The following SPTBN4 variants were observed in gnomAD, a reference collection of about 807,000 sequenced individuals.
The protein encoded by SPTBN4 is spectrin beta chain, non-erythrocytic 4.
A neutral mutation model predicts 277.8 loss-of-function variants in SPTBN4; 96 were observed. The observed-to-expected ratio is 0.35, with a 90% CI of 0.29 to 0.41. SPTBN4 has a LOEUF of 0.41. SPTBN4 is among the 10% of genes least tolerant of loss of function. The pLI, the probability that SPTBN4 is intolerant of heterozygous loss-of-function variation, is 1.00. For missense variants in SPTBN4, 3,006 were observed against 3,595.7 expected (o/e 0.84, Z 4.19); for synonymous variants, 1,481 against 1,580.3 (o/e 0.94, Z 1.49).
intron 2 of SPTBN4, among the ~76,000 whole-genome samples, chr19:40,477,107 A>G (rs928332147): frequency 2.0e-5 from 3 of 151,394 alleles, no homozygotes; most frequent in East Asian, 1.9e-4. Flanking sequence ...GATAAAAATC[A>G]TAGCTCACTA....
In SPTBN4 at chr19:40,521,498, G is replaced by A. The variant is rs972345488; in HGVS notation, c.3654+1347G>A. On this transcript the variant is annotated intron_variant, in intron 16 of 35. Coordinates refer to ENST00000598249, the MANE Select transcript of SPTBN4 (RefSeq NM_020971.3). ...TGATGGGAGGCAGCGACAGATCATC[G>A]GGCATTAGATTCTCATAAGGAGTGT... is the stretch of plus-strand genomic sequence containing the variant. Among the ~76,000 whole-genome samples the A allele has an allele frequency of 1.1e-4, 17 of 151,976 alleles. 1 individual carries two copies. Among genetic ancestry groups the A allele is most frequent in the Non-Finnish European group, 1.6e-4 (11 of 67,996 alleles).
At position 40,523,609 on chromosome 19, in the gene SPTBN4, C is replaced by T; in HGVS notation, c.3827C>T (p.Ala1276Val). 1 of 1,613,360 alleles carries T rather than the reference C, an allele frequency of 6.2e-7. No homozygotes were observed. Among genetic ancestry groups the T allele is most frequent in the South Asian group, 1.1e-5 (1 of 91,054 alleles). Reference protein sequence around the residue: ...LRQGNIYGEQAQEAVTRLLEK... With the variant: ...LRQGNIYGEQVQEAVTRLLEK... ...CAGGGCAACATCTACGGGGAGCAGG[C>T]TCAGGAGGCTGTGACCCGGCTGCTG... Residue 1276 changes from alanine to valine, a missense_variant, in exon 17 of 36, where the codon GCT becomes GTT. Coordinates refer to ENST00000598249, the MANE Select transcript of SPTBN4 (RefSeq NM_020971.3).
At chr19:40,528,896 C>T in intron 17 of SPTBN4, 145 bp from the exon 18 acceptor site, 1 of 620,214 alleles carries the variant, frequency 1.6e-6, no homozygotes. Context: ...GCGTCCCTGG[C>T]TTTGCCCCAC....
rs1158967869 is a variant in SPTBN4 at position 40,515,847 on chromosome 19, A to G, written c.2903+399A>G. Among the ~76,000 whole-genome samples, 6 of 149,276 alleles carry G rather than the reference A, an allele frequency of 4.0e-5. No individual in the cohort carries two copies. Among genetic ancestry groups the G allele is most frequent in the African/African-American group, 1.5e-4 (6 of 40,506 alleles). ...AGACCAGCCTGGGCAACATGGTGAAACCCCGTCTCTCTCTCTACGTGCGCG... is the reference window on the plus strand; with the variant it reads ...AGACCAGCCTGGGCAACATGGTGAAGCCCCGTCTCTCTCTCTACGTGCGCG... On this transcript the variant is annotated intron_variant, in intron 15 of 35. Transcript: ENST00000598249. This position sits in a 1 kb window ranked among gnomAD's most constrained non-coding sequence, Gnocchi z 4.1.
chr19:40,513,120 G>C lies in SPTBN4; in HGVS notation c.2331G>C (p.Gln777His), dbSNP rs1442179007. ...TGCAGGAGGCGCGGGCGCTGCACCAGTTCGGCGCTGACCTCGACGGGCTGC... is the reference window on the plus strand; with the variant it reads ...TGCAGGAGGCGCGGGCGCTGCACCACTTCGGCGCTGACCTCGACGGGCTGC... ...RRLQEARALH[Q>H]FGADLDGLLD... Residue 777 changes from glutamine to histidine, a missense_variant, in exon 14 of 36, where the codon CAG (glutamine) becomes CAC (histidine). Physicochemically the swap from Gln to His is conservative, Grantham distance 24. Around this residue, in one of 5 missense-constraint regions of SPTBN4, gnomAD observed 1,759 missense variants for 2,061.5 expected, o/e 0.85. Coordinates refer to ENST00000598249, the MANE Select transcript of SPTBN4 (RefSeq NM_020971.3). 1 of 1,479,158 alleles carries C rather than the reference G, an allele frequency of 6.8e-7. No homozygotes were observed. Among genetic ancestry groups the C allele is most frequent in the Non-Finnish European group, 8.9e-7 (1 of 1,124,088 alleles). The allele number at this position is 1,479,158 out of a possible 1,614,324, so 91.6% of individuals were successfully genotyped here.
In SPTBN4 at chr19:40,515,866, G is replaced by A. The variant is rs987219949; in HGVS notation, c.2903+418G>A. 9.3e-5 allele frequency among the ~76,000 whole-genome samples: 12 copies of A among 128,694 alleles called. No individual in the cohort carries two copies. The highest frequency in any genetic ancestry group is 2.5e-4 in the South Asian group (1 of 3,982). The allele number at this position is 128,694 out of a possible 152,430, so 84.4% of individuals were successfully genotyped here. On this transcript the variant is annotated intron_variant, in intron 15 of 35. Coordinates refer to ENST00000598249, the MANE Select transcript of SPTBN4 (RefSeq NM_020971.3). This position sits in a 1 kb window ranked among gnomAD's most constrained non-coding sequence, Gnocchi z 4.1. ...GGTGAAACCCCGTCTCTCTCTCTAC[G>A]TGCGCGCACACACACACACACACAC...
At chr19:40,563,412 G>A (rs1034235678) in intron 27 of SPTBN4, among the ~76,000 whole-genome samples, 3 of 151,844 alleles carry the variant, frequency 2.0e-5, no homozygotes, top group Non-Finnish European at 4.4e-5. Flanking sequence ...GAATGGTGCT[G>A]TCCAATAGTT....
rs1354917248 is a variant in SPTBN4 at position 40,467,194 on chromosome 19, A to AGCTGAGCCGG, written c.-122_-113dup. 2 of 148,134 alleles carry AGCTGAGCCGG rather than the reference A, an allele frequency of 1.4e-5. No individual in the cohort carries two copies. Among genetic ancestry groups the AGCTGAGCCGG allele is most frequent in the Non-Finnish European group, 3.0e-5 (2 of 66,526 alleles). 9.2% of individuals were successfully genotyped at this position (148,134 alleles called of 1,614,324 possible). A position where few individuals can be genotyped will look rare whatever the true frequency, so the allele number is the denominator to read the frequency against. ...GCTGAGCCGCGGGCCGGCGGGGCCGAGCTGAGCCGGGCTGGGCCGGGCCGG... is the reference window on the plus strand; with the variant it reads ...GCTGAGCCGCGGGCCGGCGGGGCCGAGCTGAGCCGGGCTGAGCCGGGCTGGGCCGGGCCGG... On this transcript the variant is annotated 5_prime_UTR_variant, in exon 1 of 36. Coordinates refer to ENST00000598249, the MANE Select transcript of SPTBN4 (RefSeq NM_020971.3).
intron 2 of SPTBN4, among the ~76,000 whole-genome samples, chr19:40,474,651 G>A (rs1303105649): frequency 6.6e-6 from 1 of 151,922 alleles, no homozygotes; most frequent in Non-Finnish European, 1.5e-5. Context: ...TGTAATCCCA[G>A]CACTTTGGGA....
At chr19:40,480,111 C>T (rs2079993316) in intron 2 of SPTBN4, among the ~76,000 whole-genome samples, 1 of 151,886 alleles carries the variant, frequency 6.6e-6, no homozygotes, top group Admixed American at 6.6e-5. Flanking sequence ...ATTAGCTGGG[C>T]GTGGTGGTGG....
In SPTBN4 at chr19:40,512,481, A is replaced by T. The variant is rs374758367; in HGVS notation, c.1817-125A>T. On this transcript the variant is annotated intron_variant, in intron 13 of 35. Coordinates refer to ENST00000598249, the MANE Select transcript of SPTBN4 (RefSeq NM_020971.3). Reference sequence around the variant, plus strand: ...GGTGTCAGGGAAGGCTGCCTGGAGGAGGAGCCACGTGACCCGGCATCTGAT... The same window carrying T: ...GGTGTCAGGGAAGGCTGCCTGGAGGTGGAGCCACGTGACCCGGCATCTGAT... 7.5e-5 allele frequency: 94 copies of T among 1,252,614 alleles called. 1 individual carries two copies. In the East Asian group the frequency reaches 2.0e-3, roughly 27 times the overall value. The allele number at this position is 1,252,614 out of a possible 1,614,324, so 77.6% of individuals were successfully genotyped here.
At chr19:40,492,162 C>A (rs1156895530) in intron 4 of SPTBN4, among the ~76,000 whole-genome samples, 1 of 151,750 alleles carries the variant, frequency 6.6e-6, no homozygotes, top group Non-Finnish European at 1.5e-5. Flanking sequence ...CAACAAGGGG[C>A]AGGTGGGGAA....
chr19:40,562,033 A>C (rs1437399226), intron 27 of SPTBN4, among the ~76,000 whole-genome samples: 2 of 152,020 alleles, frequency 1.3e-5, no homozygotes, highest in African/African-American at 4.8e-5. Flanking sequence ...AGTGGGCTGT[A>C]GTTAGGCATG....
At chr19:40,506,210 G>T in intron 12 of SPTBN4, 26 bp from the exon 13 acceptor site, 1 of 1,593,678 alleles carries the variant, frequency 6.3e-7, no homozygotes, top group Non-Finnish European at 8.6e-7. Flanking sequence ...TGCCAGAGGT[G>T]TGCTCAGTGC....
At chr19:40,565,310 T>G in intron 27 of SPTBN4, 113 bp from the exon 28 acceptor site, 10 of 1,271,314 alleles carry the variant, frequency 7.9e-6, no homozygotes, top group African/African-American at 3.0e-5. Context: ...GTAAGTGTCT[T>G]GAGGTGGTAT....
intron 22 of SPTBN4, among the ~76,000 whole-genome samples, chr19:40,553,048 TCA>T (rs1476829927): frequency 6.6e-6 from 1 of 152,188 alleles, no homozygotes; most frequent in East Asian, 1.9e-4. Context: ...TCTCTGTGCC[TCA>T]GTCTTCTCAT....
rs113875755 is a variant in SPTBN4 at position 40,566,194 on chromosome 19, G to T, written c.6171G>T (p.Ala2057=). ...MLEVHQFAQE[A]VVADAWLTAQ... ...AGGTGCACCAGTTTGCCCAGGAGGC[G>T]GTGGTGGCTGATGCCTGGCTGACAG... The change falls in exon 30 of 36, where the codon GCG becomes GCT. Residue 2057 remains alanine, a synonymous_variant. Coordinates refer to ENST00000598249, the MANE Select transcript of SPTBN4 (RefSeq NM_020971.3). 6.5e-7 allele frequency: 1 copy of T among 1,542,396 alleles called. No homozygotes were observed. Among genetic ancestry groups the T allele is most frequent in the East Asian group, 2.4e-5 (1 of 41,044 alleles).
intron 1 of SPTBN4, among the ~76,000 whole-genome samples, chr19:40,467,634 G>A (rs929267805): frequency 1.3e-5 from 2 of 151,858 alleles, no homozygotes; most frequent in Middle Eastern, 3.4e-3. Context: ...GGGGGGGGGG[G>A]GGTGTTGGGG....
At chr19:40,504,252 G>A in intron 12 of SPTBN4, 120 bp downstream of exon 12, 2 of 1,087,742 alleles carry the variant, frequency 1.8e-6, no homozygotes, top group Admixed American at 2.8e-5. Context: ...GAAGAAGATA[G>A]AGAGAAAGCC....
Sources: allele counts gnomAD v4.1 joint callset (sites outside exome capture counted in the v4.1 genomes callset), GRCh38; gene constraint gnomAD v4.1.1; regional missense constraint gnomAD v4.1.1; non-coding constraint Gnocchi (gnomAD v3.1); transcripts MANE v1.5; gene names NCBI Gene and HGNC (gene_info 2026-07-23, HGNC 2026-07-21).